SEMA3A: variants seen among roughly 807,000 people sequenced by gnomAD.
SEMA3A encodes the protein semaphorin-3A.
Under a neutral mutation model 97.9 loss-of-function variants are expected in SEMA3A, and 29 were observed. The ratio of observed to expected loss-of-function variants is 0.30; its 90% CI spans 0.22 to 0.40. The LOEUF is 0.40. Ranked by LOEUF, SEMA3A falls within the 10% of genes least tolerant of loss-of-function variation. SEMA3A has a pLI of 1.00. For synonymous variants in SEMA3A, 321 were observed against 323.7 expected (o/e 0.99, Z 0.09); for missense variants, 763 against 951.3 (o/e 0.80, Z 2.60).
At chr7:84,306,203 AGCATTATATATTT>A (rs1369526528) in intron 3 of SEMA3A, among the ~76,000 whole-genome samples, 1 of 151,870 alleles carries the variant, frequency 6.6e-6, no homozygotes, top group African/African-American at 2.4e-5. Flanking sequence ...ATTTCCATGT[AGCATTATATATTT>A]TTTCATAAAT....
At chr7:84,361,180 A>G (rs1802710226) in intron 2 of SEMA3A, among the ~76,000 whole-genome samples, 1 of 152,096 alleles carries the variant, frequency 6.6e-6, no homozygotes, top group Non-Finnish European at 1.5e-5. Flanking sequence ...CCAGAAGGGA[A>G]CAATGGCTGA....
At chr7:84,118,130 GAT>G (rs1191110935) in intron 3 of SEMA3A, among the ~76,000 whole-genome samples, 1 of 152,146 alleles carries the variant, frequency 6.6e-6, no homozygotes, top group African/African-American at 2.4e-5. Flanking sequence ...GCTAAACAGA[GAT>G]AGATTTAACA....
intron 5 of SEMA3A, 45 bp from the exon 6 acceptor site, chr7:84,046,488 G>A: frequency 2.5e-6 from 4 of 1,604,282 alleles, no homozygotes; most frequent in Non-Finnish European, 2.6e-6. Context: ...ATTCAATTAA[G>A]GCAAAAACAA....
intron 6 of SEMA3A, among the ~76,000 whole-genome samples, chr7:84,026,329 C>T (rs1168312586): frequency 6.6e-6 from 1 of 152,150 alleles, no homozygotes; most frequent in African/African-American, 2.4e-5. Context: ...ATCTATTTAA[C>T]TGGCAATTAC....
intron 3 of SEMA3A, among the ~76,000 whole-genome samples, chr7:84,223,539 A>G (rs1022002677): frequency 6.6e-6 from 1 of 151,896 alleles, no homozygotes; most frequent in African/African-American, 2.4e-5. Flanking sequence ...TTACATACAG[A>G]AAAAGCAAAA....
intron 4 of SEMA3A, among the ~76,000 whole-genome samples, chr7:84,077,105 C>T (rs1374711909): frequency 6.6e-6 from 1 of 152,040 alleles, no homozygotes; most frequent in African/African-American, 2.4e-5. Context: ...TCTATCTTGG[C>T]TAGAATGAGA....
chr7:84,094,059 T>C (rs187608209), intron 4 of SEMA3A, among the ~76,000 whole-genome samples: 3 of 152,230 alleles, frequency 2.0e-5, no homozygotes, highest in Middle Eastern at 3.4e-3. Context: ...TTTGCCTTTT[T>C]TGAAGTTTGT....
rs557183669 is a variant in SEMA3A, at chr7:84,180,429, A to C, written c.112+14046T>G. The stretch of plus-strand genomic sequence containing the variant: ...GAGGCTGGGTGTGGAGGCTTATGCC[A>C]GTAATCCCAGCACTTTGGGAGGCCG... On this transcript the variant is annotated intron_variant, in intron 1 of 16. Transcript: ENST00000265362. Among the ~76,000 whole-genome samples, 3 of 152,024 alleles carry C rather than the reference A, an allele frequency of 2.0e-5. No individual in the cohort carries two copies. The South Asian group carries it at 6.3e-4, about 32-fold the overall frequency.
At chr7:84,409,992 GA>G (rs1053405184) in intron 1 of SEMA3A, among the ~76,000 whole-genome samples, 25 of 151,908 alleles carry the variant, frequency 1.6e-4, no homozygotes, top group African/African-American at 6.0e-4. Context: ...TTGTTATTTG[GA>G]AAAATGATTC....
chr7:84,289,262 T>G lies in SEMA3A; in HGVS notation c.-83+17945A>C, dbSNP rs993121634. Among the ~76,000 whole-genome samples the G allele has an allele frequency of 5.3e-5, 8 of 152,122 alleles. No homozygotes were observed. In the Middle Eastern group the frequency reaches 0.01, roughly 195 times the overall value. On this transcript the variant is annotated intron_variant, in intron 3 of 3. Coordinates refer to the SEMA3A transcript ENST00000424555. ...AGTGGTTCATTAATGGGTACAAAAC[T>G]ACAGTTAGATAGGAGCAATAGGTTC...
rs1349238619 is a variant in SEMA3A, at chr7:84,095,356, T to C, written c.453+15114A>G. Among the ~76,000 whole-genome samples the C allele has an allele frequency of 5.2e-3, 545 of 105,032 alleles. 6 individuals carry two copies. Among genetic ancestry groups the C allele is most frequent in the African/African-American group, 0.024 (524 of 21,960 alleles). The allele number at this position is 105,032 out of a possible 152,430, so 68.9% of individuals were successfully genotyped here. A position where few individuals can be genotyped will look rare whatever the true frequency, so the allele number is the denominator to read the frequency against. ...TTATATATATTTTATATTTTTTATA[T>C]ACATATATATATATATATATATATA... On this transcript the variant is annotated intron_variant, in intron 4 of 16. Transcript: ENST00000265362.
At chr7:84,122,179 G>GACAAAGGGCTAATATCCAGAATCT (rs1795639983) in intron 3 of SEMA3A, among the ~76,000 whole-genome samples, 1 of 151,692 alleles carries the variant, frequency 6.6e-6, no homozygotes, top group African/African-American at 2.4e-5. Flanking sequence ...CTACCCATCT[G>GACAAAGGGCTAATATCCAGAATCT]ACAAAGGGCT....
At chr7:83,995,103 C>G (rs566139009) in intron 12 of SEMA3A, among the ~76,000 whole-genome samples, 2 of 152,250 alleles carry the variant, frequency 1.3e-5, no homozygotes, top group African/African-American at 4.8e-5. Flanking sequence ...TCACCCCTTT[C>G]TTTGACTCGG....
chr7:84,048,607 T>C (rs918081287), intron 5 of SEMA3A, among the ~76,000 whole-genome samples: 1 of 151,976 alleles, frequency 6.6e-6, no homozygotes, highest in African/African-American at 2.4e-5. Context: ...TTGTGTCTTC[T>C]TTCCTTAAAA....
chr7:84,429,397 C>T (rs1190315808), intron 1 of SEMA3A, among the ~76,000 whole-genome samples: 2 of 150,088 alleles, frequency 1.3e-5, no homozygotes, highest in Non-Finnish European at 3.0e-5. Flanking sequence ...TTGATAGTTT[C>T]AACTATTTTA....
chr7:84,027,158 C>G (rs1791577593), intron 6 of SEMA3A, among the ~76,000 whole-genome samples: 1 of 152,136 alleles, frequency 6.6e-6, no homozygotes, highest in African/African-American at 2.4e-5. Flanking sequence ...ATTGACTAAG[C>G]AAATTCAGAT....
intron 15 of SEMA3A, among the ~76,000 whole-genome samples, chr7:83,973,079 TCTTA>T (rs2116291758): frequency 6.6e-6 from 1 of 152,306 alleles, no homozygotes; most frequent in South Asian, 2.1e-4. Flanking sequence ...AGAAATTCTT[TCTTA>T]CTTCTGACAG....
intron 3 of SEMA3A, among the ~76,000 whole-genome samples, chr7:84,127,580 T>C (rs958266729): frequency 1.3e-5 from 2 of 152,194 alleles, no homozygotes; most frequent in Admixed American, 1.3e-4. Flanking sequence ...GTTTAATATA[T>C]AATTTTCAAG....
chr7:84,118,384 A>C (rs1028718739), intron 3 of SEMA3A, among the ~76,000 whole-genome samples: 7 of 152,152 alleles, frequency 4.6e-5, no homozygotes, highest in African/African-American at 1.4e-4. Flanking sequence ...AAGCTGGAAA[A>C]ATATTTCCTC....
Sources: gnomAD v4.1 joint callset for allele counts (sites outside exome capture counted in the v4.1 genomes callset) on GRCh38, gnomAD v4.1.1 for gene constraint, MANE v1.5 for transcripts, NCBI Gene and HGNC (gene_info 2026-07-23, HGNC 2026-07-21) for gene names.